Variants in WBP1L observed in about 807,000 individuals in gnomAD.
WBP1L encodes the protein WW domain binding protein 1 like, also known as WW domain binding protein 1-like.
WBP1L carries 17 observed loss-of-function variants against 33.7 expected under a neutral mutation model. The ratio of observed to expected loss-of-function variants is 0.50; its 90% CI spans 0.34 to 0.76. The LOEUF (loss-of-function observed/expected upper bound fraction) is 0.76. Among genes scored for constraint, WBP1L ranks in the 30% least tolerant of loss-of-function variants. WBP1L has a pLI of 0.01. For missense variants in WBP1L, 389 were observed against 469.4 expected, an observed-to-expected ratio of 0.83 and a Z score of 1.58; for synonymous variants, 173 against 190.8, an observed-to-expected ratio of 0.91 and a Z score of 0.77.
chr10:102,799,005 T>C (rs1452794968), intron 2 of WBP1L, among the ~76,000 whole-genome samples: 1 of 152,178 alleles, frequency 6.6e-6, no homozygotes, highest in Admixed American at 6.5e-5. Flanking sequence ...GATTCTCCAG[T>C]GTACCTAACC....
intron 1 of WBP1L, among the ~76,000 whole-genome samples, chr10:102,772,775 G>A (rs1209948992): frequency 6.6e-6 from 1 of 151,082 alleles, no homozygotes; most frequent in East Asian, 1.9e-4. Context: ...TTGCCATGTT[G>A]CCCAAGCTGG....
At chr10:102,791,125 T>A (rs1367382007) in intron 1 of WBP1L, among the ~76,000 whole-genome samples, 1 of 152,182 alleles carries the variant, frequency 6.6e-6, no homozygotes, top group Non-Finnish European at 1.5e-5. Flanking sequence ...GGTTCTCAGT[T>A]CCAATTCCCT....
Position 102,777,844 on chromosome 10 carries a change from C to T in WBP1L, c.91-20149C>T, listed in dbSNP as rs575181540. On this transcript the variant is annotated intron_variant, in intron 1 of 3. Transcript: ENST00000448841. Reference sequence around the variant, plus strand: ...CCTCCCGAAGTGCTAGGATTACAGGCGTGAGCCACTGTGCCTGGCCAGAAA... The same window carrying T: ...CCTCCCGAAGTGCTAGGATTACAGGTGTGAGCCACTGTGCCTGGCCAGAAA... Among the ~76,000 whole-genome samples the T allele has an allele frequency of 2.1e-3, 326 of 152,214 alleles. 1 individual carries two copies. Among genetic ancestry groups the T allele is most frequent in the African/African-American group, 7.4e-3 (309 of 41,536 alleles).
chr10:102,761,600 G>A (rs1438846238), intron 1 of WBP1L, among the ~76,000 whole-genome samples: 1 of 152,100 alleles, frequency 6.6e-6, no homozygotes, highest in Non-Finnish European at 1.5e-5. Context: ...GGGATTACAG[G>A]CACCTTCCAC....
chr10:102,813,140 C>T lies in WBP1L; in HGVS notation c.901C>T (p.Pro301Ser). 1 of 1,614,018 alleles carries T rather than the reference C, an allele frequency of 6.2e-7. No homozygotes were observed. Among genetic ancestry groups the T allele is most frequent in the South Asian group, 1.1e-5 (1 of 91,082 alleles). Residue 301 changes from proline to serine, a missense_variant, in exon 4 of 4, where the codon CCC (proline) becomes TCC (serine). Pro to Ser is a moderately conservative substitution (Grantham distance 74). Transcript: ENST00000448841. Reference sequence around the variant, plus strand: ...ACTCATCGATGATGCTCTGGATGGGCCCCTGGACTTCTGCGACAGCTGCCA... The same window carrying T: ...ACTCATCGATGATGCTCTGGATGGGTCCCTGGACTTCTGCGACAGCTGCCA... ...NTLIDDALDGPLDFCDSCHVR... is the reference protein window; with the variant it reads ...NTLIDDALDGSLDFCDSCHVR...
chr10:102,760,376 C>CTTTTTTTTTT (rs71019612), intron 1 of WBP1L, among the ~76,000 whole-genome samples: 1 of 96,180 alleles, frequency 1.0e-5, no homozygotes, highest in Non-Finnish European at 1.8e-5. Context: ...TTCTTTCTTT[C>CTTTTTTTTTT]TTTTTTTTTT....
intron 3 of WBP1L, 33 bp downstream of exon 3, chr10:102,810,087 A>G (rs1164017529): frequency 6.3e-7 from 1 of 1,579,492 alleles, no homozygotes. Context: ...ACCCACCCTC[A>G]GGAGCTCAGG....
At chr10:102,776,477 G>A in intron 1 of WBP1L, 1 of 1,607,180 alleles carries the variant, frequency 6.2e-7, no homozygotes, top group Non-Finnish European at 8.5e-7. Flanking sequence ...CTTGTTTATT[G>A]TACTACTGCT....
rs905345237 is a variant in WBP1L, at chr10:102,759,164, C to T, written c.90+15021C>T. ...CCTCCAAGGAAAGGAGACTCCCTTTCGCGGTCTGCTAAGTAACGGGTGCCT... is the reference window on the plus strand; with the variant it reads ...CCTCCAAGGAAAGGAGACTCCCTTTTGCGGTCTGCTAAGTAACGGGTGCCT... On this transcript the variant is annotated intron_variant, in intron 1 of 3. Coordinates refer to ENST00000448841, the MANE Select transcript of WBP1L (RefSeq NM_001083913.2). Among the ~76,000 whole-genome samples the T allele has an allele frequency of 8.9e-4, 135 of 152,268 alleles. 2 individuals carry two copies. Among genetic ancestry groups the T allele is most frequent in the Admixed American group, 8.8e-3 (135 of 15,290 alleles).
intron 2 of WBP1L, among the ~76,000 whole-genome samples, chr10:102,801,749 T>C (rs1202017439): frequency 5.9e-5 from 9 of 152,148 alleles, no homozygotes; most frequent in Admixed American, 2.0e-4. Context: ...TTCTGGACAG[T>C]GGAATTTCCC....
chr10:102,802,261 C>T (rs932748920), intron 2 of WBP1L, among the ~76,000 whole-genome samples: 1 of 149,966 alleles, frequency 6.7e-6, no homozygotes, highest in South Asian at 2.1e-4. Flanking sequence ...CCTGCCTCAG[C>T]CACTTAAGTA....
At chr10:102,772,257 CTTTTTTT>C (rs34766191) in intron 1 of WBP1L, among the ~76,000 whole-genome samples, 1 of 61,024 alleles carries the variant, frequency 1.6e-5, no homozygotes, top group East Asian at 6.0e-4. Flanking sequence ...TGCGCCCGGC[CTTTTTTT>C]TTTTTTTTTT....
At chr10:102,748,034 A>G (rs1478494544) in intron 1 of WBP1L, among the ~76,000 whole-genome samples, 1 of 152,134 alleles carries the variant, frequency 6.6e-6, no homozygotes, top group Admixed American at 6.5e-5. Context: ...AGGCAGGCGG[A>G]TCACGAGATC....
At chr10:102,789,028 C>T (rs1434319656) in intron 1 of WBP1L, among the ~76,000 whole-genome samples, 2 of 152,154 alleles carry the variant, frequency 1.3e-5, no homozygotes, top group Non-Finnish European at 2.9e-5. Flanking sequence ...GGCACAATCT[C>T]GGTTTGCTGC....
At chr10:102,760,887 T>C (rs1385342431) in intron 1 of WBP1L, among the ~76,000 whole-genome samples, 1 of 152,112 alleles carries the variant, frequency 6.6e-6, no homozygotes, top group South Asian at 2.1e-4. Context: ...TCTCCCGTTC[T>C]GTTTTGCCCC....
intron 2 of WBP1L, among the ~76,000 whole-genome samples, chr10:102,802,479 G>A (rs1203810264): frequency 6.6e-6 from 1 of 150,848 alleles, no homozygotes; most frequent in Non-Finnish European, 1.5e-5. Flanking sequence ...GAACCTAAAA[G>A]CAGACTTTGG....
chr10:102,811,596 C>T (rs567538012), intron 3 of WBP1L, among the ~76,000 whole-genome samples: 6 of 152,202 alleles, frequency 3.9e-5, no homozygotes, highest in South Asian at 4.1e-4. Flanking sequence ...CTGCAACCTC[C>T]TCCTCTGGGG....
intron 1 of WBP1L, among the ~76,000 whole-genome samples, chr10:102,768,723 T>C (rs1414387603): frequency 7.0e-6 from 1 of 141,908 alleles, no homozygotes; most frequent in African/African-American, 2.7e-5. Flanking sequence ...AGTCTCGCTC[T>C]GTCCCCCAGG....
At chr10:102,796,369 G>A (rs1053158585) in intron 1 of WBP1L, among the ~76,000 whole-genome samples, 1 of 152,150 alleles carries the variant, frequency 6.6e-6, no homozygotes, top group Non-Finnish European at 1.5e-5. Flanking sequence ...GCACTAAGCC[G>A]GGGAACTGGT....
Sources: gnomAD v4.1 joint callset for allele counts (sites outside exome capture counted in the v4.1 genomes callset) on GRCh38, gnomAD v4.1.1 for gene constraint, MANE v1.5 for transcripts, NCBI Gene and HGNC (gene_info 2026-07-23, HGNC 2026-07-21) for gene names.